RELN: variants seen among roughly 807,000 people sequenced by gnomAD.
RELN encodes reelin.
In RELN, 108 loss-of-function variants were observed where a neutral mutation model predicts 427.6. That is an observed-to-expected ratio of 0.25 (90% CI 0.22 to 0.30). The LOEUF (loss-of-function observed/expected upper bound fraction) is 0.30. Ranked by LOEUF, RELN falls within the 10% of genes least tolerant of loss-of-function variation. RELN has a pLI of 1.00. For synonymous variants in RELN, 1,524 were observed against 1,513.4 expected, an observed-to-expected ratio of 1.01 and a Z score of -0.16; for missense variants, 3,715 against 4,302.8, an observed-to-expected ratio of 0.86 and a Z score of 3.82.
intron 9 of RELN, among the ~76,000 whole-genome samples, chr7:103,699,793 T>C (rs1179693145): frequency 6.6e-6 from 1 of 152,146 alleles, no homozygotes; most frequent in African/African-American, 2.4e-5. Flanking sequence ...CAAAATGTTC[T>C]GTTATAAAAT....
intron 11 of RELN, among the ~76,000 whole-genome samples, chr7:103,675,783 G>A (rs1833505644): frequency 6.6e-6 from 1 of 152,152 alleles, no homozygotes; most frequent in East Asian, 1.9e-4. Context: ...AACAAGAAAT[G>A]GGGAAAAGAT....
intron 24 of RELN, among the ~76,000 whole-genome samples, chr7:103,597,548 A>C (rs933899031): frequency 6.6e-6 from 1 of 152,190 alleles, no homozygotes; most frequent in African/African-American, 2.4e-5. Context: ...GGTTGCAGTG[A>C]GCGAGATCAG....
At chr7:103,535,086 G>A (rs1830019350) in intron 46 of RELN, among the ~76,000 whole-genome samples, 1 of 152,138 alleles carries the variant, frequency 6.6e-6, no homozygotes, top group African/African-American at 2.4e-5. Context: ...AAAAATATTA[G>A]AGTTAAAAGT....
rs531873895 is a variant in RELN, at chr7:103,506,304, A to AAG, written c.8275-3076_8275-3075dup. Among the ~76,000 whole-genome samples the AAG allele has an allele frequency of 5.7e-3, 868 of 152,264 alleles. 10 individuals are homozygous for AAG. Among genetic ancestry groups the AAG allele is most frequent in the African/African-American group, 0.017 (698 of 41,550 alleles). On this transcript the variant is annotated intron_variant, in intron 51 of 64. Coordinates refer to ENST00000428762, the MANE Select transcript of RELN (RefSeq NM_005045.4). ...TGAAGGAAAAAATGTTAAGGGCAGCAAGAGAGAAAGGTCGGGTTACCCACA... is the reference window on the plus strand; with the variant it reads ...TGAAGGAAAAAATGTTAAGGGCAGCAAGAGAGAGAAAGGTCGGGTTACCCACA...
rs149689900 is a variant in RELN at position 103,604,760 on chromosome 7, T to C, written c.3009-277A>G. ...TATCAGATTTTGTTGGTTGCACAGA[T>C]TTGTTGCTAGAAAAAGTACTAAGAA... On this transcript the variant is annotated intron_variant, in intron 22 of 64. Transcript: ENST00000428762. Among the ~76,000 whole-genome samples, 116 of 152,218 alleles carry C rather than the reference T, an allele frequency of 7.6e-4. No individual in the cohort carries two copies. In the South Asian group the frequency reaches 0.012, roughly 16 times the overall value.
At chr7:103,821,048 C>T (rs1482200932) in intron 3 of RELN, among the ~76,000 whole-genome samples, 1 of 152,120 alleles carries the variant, frequency 6.6e-6, no homozygotes, top group Non-Finnish European at 1.5e-5. Context: ...AATGTTTTCT[C>T]TGTAGAAGGT....
intron 5 of RELN, among the ~76,000 whole-genome samples, chr7:103,750,577 A>G (rs1790973187): frequency 6.6e-6 from 1 of 152,194 alleles, no homozygotes; most frequent in Admixed American, 6.5e-5. Context: ...ACTTTAAAGC[A>G]TGGAATTGGA....
At chr7:103,681,972 G>T in intron 11 of RELN, 144 bp downstream of exon 11, 1 of 802,888 alleles carries the variant, frequency 1.2e-6, no homozygotes, top group Non-Finnish European at 2.2e-6. Flanking sequence ...TAGGGTAAGT[G>T]CACCCCTTTT....
At chr7:103,734,855 T>C (rs1790450903) in intron 6 of RELN, among the ~76,000 whole-genome samples, 1 of 152,190 alleles carries the variant, frequency 6.6e-6, no homozygotes, top group Non-Finnish European at 1.5e-5. Flanking sequence ...CAATAACTTT[T>C]CTTAAAAACT....
At position 103,593,841 on chromosome 7, in the gene RELN, C is replaced by G; in HGVS notation, c.3753G>C (p.Gln1251His). ...TAGCCAACATCAACCACACACTCAT[C>G]TGATTCATAGGGTAATCAAAAGCTG... ...EKPAFDYPMNQMSVWLMLANE... is the reference protein window; with the variant it reads ...EKPAFDYPMNHMSVWLMLANE... Residue 1251 changes from glutamine (Q) to histidine (H), a missense_variant, in exon 27 of 65, where the codon CAG (glutamine) becomes CAC (histidine). Physicochemically the swap from Gln to His is conservative, Grantham distance 24. Around this residue, in one of 4 missense-constraint regions of RELN, gnomAD observed 2,208 missense variants for 2,361.7 expected, o/e 0.93. Coordinates refer to ENST00000428762, the MANE Select transcript of RELN (RefSeq NM_005045.4). The G allele has an allele frequency of 1.2e-6, 2 of 1,613,948 alleles. No individual in the cohort carries two copies. The highest frequency in any genetic ancestry group is 1.7e-6 in the Non-Finnish European group (2 of 1,179,890).
chr7:103,832,925 A>G (rs190062275), intron 3 of RELN, among the ~76,000 whole-genome samples: 1 of 152,254 alleles, frequency 6.6e-6, no homozygotes, highest in Admixed American at 6.5e-5. Flanking sequence ...CGTCTTCACC[A>G]TATTTTCTGA....
At chr7:103,671,953 C>T (rs1833401757) in intron 11 of RELN, among the ~76,000 whole-genome samples, 1 of 152,094 alleles carries the variant, frequency 6.6e-6, no homozygotes, top group African/African-American at 2.4e-5. Context: ...CCTTGAATTG[C>T]AAGCTTACAT....
intron 3 of RELN, among the ~76,000 whole-genome samples, chr7:103,780,527 T>C (rs1252409778): frequency 3.9e-5 from 6 of 152,184 alleles, no homozygotes; most frequent in Non-Finnish European, 8.8e-5. Flanking sequence ...CATTAGTTAT[T>C]TTTCCTGATC....
intron 11 of RELN, among the ~76,000 whole-genome samples, chr7:103,671,732 T>A (rs1833396935): frequency 6.6e-6 from 1 of 152,140 alleles, no homozygotes. Context: ...AAGGATATAC[T>A]TAGCAAAAGA....
rs138469339 is a variant in RELN, at chr7:103,832,626, G to T, written c.473+911C>A. ...GACTGCAGGGTGAATGAGGGGTAGG[G>T]GTTAGGGGTATAGTCCACATCAACA... On this transcript the variant is annotated intron_variant, in intron 3 of 64. Coordinates refer to ENST00000428762, the MANE Select transcript of RELN (RefSeq NM_005045.4). Among the ~76,000 whole-genome samples, 45 of 152,266 alleles carry T rather than the reference G, an allele frequency of 3.0e-4. No homozygotes were observed. The East Asian group carries it at 6.9e-3, about 24-fold the overall frequency.
chr7:103,560,743 T>C lies in RELN; in HGVS notation c.5529+789A>G, dbSNP rs550353027. Among the ~76,000 whole-genome samples the C allele has an allele frequency of 4.6e-5, 7 of 152,322 alleles. No individual in the cohort carries two copies. The South Asian group carries it at 1.4e-3, about 32-fold the overall frequency. On this transcript the variant is annotated intron_variant, in intron 36 of 64. Coordinates refer to ENST00000428762, the MANE Select transcript of RELN (RefSeq NM_005045.4). ...AGACTTGTAAATCTCTCTCAGGCCC[T>C]ATGCATTTCTTTCTTTCTCATCCAA...
intron 60 of RELN, among the ~76,000 whole-genome samples, chr7:103,487,023 T>TA (rs1290460040): frequency 5.3e-5 from 8 of 152,196 alleles, no homozygotes; most frequent in African/African-American, 1.4e-4. Context: ...CCATCAATGT[T>TA]AGACTGGATA....
At chr7:103,514,209 G>A (rs567759793) in intron 50 of RELN, among the ~76,000 whole-genome samples, 1 of 152,236 alleles carries the variant, frequency 6.6e-6, no homozygotes, top group African/African-American at 2.4e-5. Context: ...GCTAGTATGG[G>A]ATATATAATG....
chr7:103,755,405 G>A (rs768268414), intron 4 of RELN, among the ~76,000 whole-genome samples: 11 of 152,008 alleles, frequency 7.2e-5, no homozygotes, highest in Admixed American at 6.6e-4. Flanking sequence ...TCAGGAGATC[G>A]AGACAATCCT....
Sources: gnomAD v4.1 joint callset for allele counts (sites outside exome capture counted in the v4.1 genomes callset) on GRCh38, gnomAD v4.1.1 for gene constraint, gnomAD v4.1.1 regional missense constraint, MANE v1.5 for transcripts, NCBI Gene and HGNC (gene_info 2026-07-23, HGNC 2026-07-21) for gene names.